The following CNTNAP2 variants were observed in gnomAD, a reference collection of about 807,000 sequenced individuals.
CNTNAP2 encodes contactin-associated protein-like 2.
CNTNAP2 carries 98 observed loss-of-function variants against 155.2 expected under a neutral mutation model. The observed-to-expected ratio is 0.63, with a 90% confidence interval of 0.54 to 0.75. CNTNAP2 has a LOEUF of 0.75. Ranked by LOEUF, CNTNAP2 falls within the 30% of genes least tolerant of loss-of-function variation. The pLI is 0.00. For synonymous variants in CNTNAP2, 651 were observed against 631.2 expected, an observed-to-expected ratio of 1.03 and a Z score of -0.47; for missense variants, 1,727 against 1,688.1, an observed-to-expected ratio of 1.02 and a Z score of -0.40.
chr7:146,892,284 C>A lies in CNTNAP2; in HGVS notation c.402+52380C>A, dbSNP rs763818371. On this transcript the variant is annotated intron_variant, in intron 3 of 23. Transcript: ENST00000361727. The stretch of plus-strand genomic sequence containing the variant: ...AGACTTTGACAGCACAGTGCCTGAT[C>A]CCAAGTATGAATTTTCCATGACACA... 1.1e-3 allele frequency among the ~76,000 whole-genome samples: 161 copies of A among 152,108 alleles called. 3 individuals carry two copies. The highest frequency in any genetic ancestry group is 2.1e-4 in the Non-Finnish European group (14 of 68,008).
intron 9 of CNTNAP2, among the ~76,000 whole-genome samples, chr7:147,383,606 A>G (rs1796577310): frequency 6.6e-6 from 1 of 151,870 alleles, no homozygotes; most frequent in African/African-American, 2.4e-5. Context: ...AACACCACGC[A>G]CCGGGGCCTG....
In CNTNAP2 at chr7:147,224,252, A is replaced by C. The variant is rs1335655248; in HGVS notation, c.1349-75889A>C. 4.6e-5 allele frequency among the ~76,000 whole-genome samples: 7 copies of C among 152,326 alleles called. 1 individual carries two copies. Among genetic ancestry groups the C allele is most frequent in the Admixed American group, 4.6e-4 (7 of 15,296 alleles). ...GAATGGCAACTTCCAAGCTCCTTAC[A>C]TGAAGAACCAGAAACTACAAGTCTC... On this transcript the variant is annotated intron_variant, in intron 8 of 23. Coordinates refer to ENST00000361727, the MANE Select transcript of CNTNAP2 (RefSeq NM_014141.6).
intron 15 of CNTNAP2, among the ~76,000 whole-genome samples, chr7:148,034,520 C>G (rs924077022): frequency 3.3e-5 from 5 of 152,152 alleles, no homozygotes; most frequent in African/African-American, 1.2e-4. Context: ...TATGACACAG[C>G]AAGAAGGTCC....
At chr7:148,307,597 A>T (rs1406990537) in intron 21 of CNTNAP2, among the ~76,000 whole-genome samples, 2 of 152,178 alleles carry the variant, frequency 1.3e-5, no homozygotes, top group Non-Finnish European at 2.9e-5. Context: ...ATGAAGAAGC[A>T]GTGGTAAATG....
intron 1 of CNTNAP2, among the ~76,000 whole-genome samples, chr7:146,485,224 G>A (rs773560533): frequency 2.0e-5 from 3 of 152,022 alleles, no homozygotes; most frequent in Non-Finnish European, 4.4e-5. Context: ...AAAACAGAGA[G>A]TGGAAAAAAA....
At chr7:146,247,999 C>T (rs188466251) in intron 1 of CNTNAP2, among the ~76,000 whole-genome samples, 15 of 146,662 alleles carry the variant, frequency 1.0e-4, no homozygotes, top group East Asian at 1.0e-3. Context: ...GGTTGGGGCA[C>T]GGAAATAAGG....
intron 2 of CNTNAP2, among the ~76,000 whole-genome samples, chr7:146,811,434 T>C (rs1409786348): frequency 6.6e-6 from 1 of 152,186 alleles, no homozygotes; most frequent in African/African-American, 2.4e-5. Context: ...TAAGAGTTCA[T>C]AGTGATTTCT....
At chr7:147,389,761 T>C (rs1796677796) in intron 9 of CNTNAP2, among the ~76,000 whole-genome samples, 2 of 152,228 alleles carry the variant, frequency 1.3e-5, no homozygotes, top group Non-Finnish European at 2.9e-5. Context: ...TTTAACACAT[T>C]GTCAGATTGT....
chr7:148,252,818 C>G (rs1015514689), intron 20 of CNTNAP2, among the ~76,000 whole-genome samples: 1 of 152,020 alleles, frequency 6.6e-6, no homozygotes, highest in African/African-American at 2.4e-5. Context: ...AGGTCTCCCC[C>G]ACTATTATAT....
At chr7:147,348,227 A>G (rs1229784348) in intron 9 of CNTNAP2, among the ~76,000 whole-genome samples, 1 of 152,094 alleles carries the variant, frequency 6.6e-6, no homozygotes, top group African/African-American at 2.4e-5. Context: ...GTAAAAGCCT[A>G]CAGAATGGAA....
At chr7:147,399,686 G>A (rs980479294) in intron 10 of CNTNAP2, among the ~76,000 whole-genome samples, 33 of 152,298 alleles carry the variant, frequency 2.2e-4, no homozygotes, top group Admixed American at 2.0e-3. Flanking sequence ...GAAATGTCAG[G>A]AAGAGAGTTG....
intron 9 of CNTNAP2, among the ~76,000 whole-genome samples, chr7:147,377,239 A>T (rs1796450854): frequency 6.7e-6 from 1 of 148,912 alleles, no homozygotes; most frequent in Non-Finnish European, 1.5e-5. Context: ...GATTATCCTT[A>T]TTTTTTTTCA....
intron 11 of CNTNAP2, among the ~76,000 whole-genome samples, chr7:147,516,848 C>CTTTTTTTTTTTT (rs1221666617): frequency 1.8e-4 from 20 of 112,618 alleles, no homozygotes; most frequent in African/African-American, 5.5e-4. Context: ...TCTTTCTTTT[C>CTTTTTTTTTTTT]TTTTTTTTTT....
intron 3 of CNTNAP2, among the ~76,000 whole-genome samples, chr7:146,885,872 C>T (rs1250333149): frequency 6.6e-6 from 1 of 151,488 alleles, no homozygotes; most frequent in Non-Finnish European, 1.5e-5. Flanking sequence ...GTATTTTGCA[C>T]AGGATAGAAC....
chr7:147,750,843 C>A (rs1359651403), intron 13 of CNTNAP2, among the ~76,000 whole-genome samples: 1 of 151,892 alleles, frequency 6.6e-6, no homozygotes, highest in Non-Finnish European at 1.5e-5. Flanking sequence ...TCCAGACCAT[C>A]CTGGCTAACA....
intron 1 of CNTNAP2, among the ~76,000 whole-genome samples, chr7:146,708,491 T>C (rs1801005351): frequency 6.6e-6 from 1 of 150,698 alleles, no homozygotes; most frequent in African/African-American, 2.4e-5. Flanking sequence ...CTATTTAGCC[T>C]GAAATATTAA....
At chr7:146,458,954 T>C (rs973259174) in intron 1 of CNTNAP2, among the ~76,000 whole-genome samples, 2 of 152,212 alleles carry the variant, frequency 1.3e-5, no homozygotes, top group Non-Finnish European at 2.9e-5. Context: ...TTTGCTTCTC[T>C]GGAGAACTCT....
At chr7:146,552,666 T>G (rs906616226) in intron 1 of CNTNAP2, among the ~76,000 whole-genome samples, 3 of 152,096 alleles carry the variant, frequency 2.0e-5, no homozygotes, top group Non-Finnish European at 4.4e-5. Context: ...TAAAATCAAA[T>G]GCACTTATTG....
chr7:147,636,519 G>A (rs780677293), intron 12 of CNTNAP2, among the ~76,000 whole-genome samples: 16 of 152,140 alleles, frequency 1.1e-4, no homozygotes, highest in African/African-American at 2.2e-4. Context: ...GTGGTTTGCC[G>A]CACCTATCAA....
Sources: gnomAD v4.1 joint callset for allele counts (sites outside exome capture counted in the v4.1 genomes callset) on GRCh38, gnomAD v4.1.1 for gene constraint, MANE v1.5 for transcripts, NCBI Gene and HGNC (gene_info 2026-07-23, HGNC 2026-07-21) for gene names.